The following MAJIN variants were observed in gnomAD, a reference collection of about 807,000 sequenced individuals.
MAJIN encodes membrane anchored junction protein.
A neutral mutation model predicts 30.2 loss-of-function variants in MAJIN; 27 were observed. The ratio of observed to expected loss-of-function variants is 0.89; its 90% CI spans 0.66 to 1.23. The LOEUF (loss-of-function observed/expected upper bound fraction) is 1.23, where lower values mean the gene tolerates loss of function less well. Ranked by LOEUF, MAJIN falls within the 50% of genes most tolerant of loss-of-function variation. The pLI is 0.00. For synonymous variants in MAJIN, 78 were observed against 91.6 expected, an observed-to-expected ratio of 0.85 and a Z score of 0.85; for missense variants, 253 against 260.3, an observed-to-expected ratio of 0.97 and a Z score of 0.19.
intron 5 of MAJIN, 62 bp from the exon 6 acceptor site, chr11:64,949,930 G>T (rs1945523776): frequency 6.4e-6 from 10 of 1,567,890 alleles, no homozygotes; most frequent in Non-Finnish European, 8.6e-6. Flanking sequence ...TACTATTTTA[G>T]GGATGAGACT....
chr11:64,959,754 C>T (rs961600960), intron 2 of MAJIN, among the ~76,000 whole-genome samples: 1 of 152,186 alleles, frequency 6.6e-6, no homozygotes, highest in African/African-American at 2.4e-5. Context: ...AAATGTTTCT[C>T]CCAAGTATCT....
At chr11:64,965,157 C>T (rs1002532262) in intron 1 of MAJIN, among the ~76,000 whole-genome samples, 1 of 152,296 alleles carries the variant, frequency 6.6e-6, no homozygotes, top group Non-Finnish European at 1.5e-5. Flanking sequence ...TGTTTATTGA[C>T]ATCATTCTGT....
At position 64,971,964 on chromosome 11, in the gene MAJIN, C is replaced by A. The variant is rs1389167244; in HGVS notation, c.-152G>T. 2 of 152,218 alleles carry A rather than the reference C, an allele frequency of 1.3e-5. No homozygotes were observed. The highest frequency in any genetic ancestry group is 1.9e-4 in the East Asian group (1 of 5,188). 9.4% of individuals were successfully genotyped at this position (152,218 alleles called of 1,614,324 possible). A position where few individuals can be genotyped will look rare whatever the true frequency, so the allele number is the denominator to read the frequency against. On this transcript the variant is annotated 5_prime_UTR_variant, in exon 1 of 11. Transcript: ENST00000301896. ...TCGGCCTCAGAAAAGTGGCCCCGGACGGAATACCCACTAAGAAGTGCTCTC... is the reference window on the plus strand; with the variant it reads ...TCGGCCTCAGAAAAGTGGCCCCGGAAGGAATACCCACTAAGAAGTGCTCTC...
intron 8 of MAJIN, among the ~76,000 whole-genome samples, chr11:64,946,371 GT>G (rs1590692471): frequency 1.3e-5 from 2 of 152,304 alleles, no homozygotes; most frequent in East Asian, 3.9e-4. Context: ...GTTTGAGAAA[GT>G]GAAAATGTGA....
intron 4 of MAJIN, among the ~76,000 whole-genome samples, chr11:64,952,154 G>A (rs1193696810): frequency 1.3e-5 from 2 of 151,988 alleles, no homozygotes; most frequent in African/African-American, 2.4e-5. Context: ...CTCCCAAAGT[G>A]CTAGGATTAC....
At chr11:64,947,928 C>T (rs1000232716) in intron 6 of MAJIN, 109 bp from the exon 7 acceptor site, 38 of 967,018 alleles carry the variant, frequency 3.9e-5, no homozygotes, top group Admixed American at 1.8e-4. Flanking sequence ...GGTGCGATCT[C>T]GGCTCACTGC....
rs1303707451 is a variant in MAJIN at position 64,949,826 on chromosome 11, T to C, written c.266A>G (p.His89Arg). Reference protein sequence around the residue: ...WERVSHLKFKHGEIILIPYPF... With the variant: ...WERVSHLKFKRGEIILIPYPF... ...GTAGGGGATCAAGATAATTTCCCCA[T>C]GTTTGAATTTCAGGTGGGAAACTCT... The change falls in exon 6 of 11, where the codon CAT (histidine) becomes CGT (arginine). Residue 89 changes from histidine (H) to arginine (R), a missense_variant. Physicochemically the swap from His to Arg is conservative, Grantham distance 29. Transcript: ENST00000301896. The C allele has an allele frequency of 1.9e-6, 3 of 1,609,502 alleles. No individual in the cohort carries two copies. Among genetic ancestry groups the C allele is most frequent in the Admixed American group, 3.3e-5 (2 of 59,990 alleles).
intron 8 of MAJIN, among the ~76,000 whole-genome samples, chr11:64,945,088 T>A (rs972788168): frequency 5.3e-5 from 8 of 152,186 alleles, no homozygotes; most frequent in Admixed American, 5.2e-4. Context: ...CTGGGCTCGG[T>A]GGCTCACGCC....
At chr11:64,950,174 A>G (rs1945528289) in intron 5 of MAJIN, among the ~76,000 whole-genome samples, 181 bp downstream of exon 5, 1 of 152,180 alleles carries the variant, frequency 6.6e-6, no homozygotes, top group South Asian at 2.1e-4. Flanking sequence ...TACTAAAAAT[A>G]CCAAAATTAG....
chr11:64,964,566 T>C (rs1413674878), intron 1 of MAJIN, among the ~76,000 whole-genome samples: 1 of 152,058 alleles, frequency 6.6e-6, no homozygotes, highest in Admixed American at 6.6e-5. Context: ...GGCAATTCAT[T>C]CTGGATACAA....
chr11:64,942,571 T>C (rs1019972865), intron 8 of MAJIN, among the ~76,000 whole-genome samples: 1 of 152,126 alleles, frequency 6.6e-6, no homozygotes, highest in African/African-American at 2.4e-5. Context: ...GGCAGAGGCA[T>C]GGCAAGTCTC....
intron 6 of MAJIN, 27 bp downstream of exon 6, chr11:64,949,716 C>T: frequency 6.2e-7 from 1 of 1,610,074 alleles, no homozygotes; most frequent in African/African-American, 1.3e-5. Context: ...TCTTCTCTGC[C>T]ATCCACATTC....
chr11:64,967,794 G>A (rs1167547446), intron 1 of MAJIN, among the ~76,000 whole-genome samples: 2 of 152,120 alleles, frequency 1.3e-5, no homozygotes, highest in African/African-American at 4.8e-5. Flanking sequence ...AGAGAGACAT[G>A]ATCCCTCGTC....
At position 64,970,182 on chromosome 11, in the gene MAJIN, G is replaced by C. The variant is rs1054726396; in HGVS notation, c.-65+1695C>G. 1.3e-4 allele frequency among the ~76,000 whole-genome samples: 19 copies of C among 145,068 alleles called. No individual in the cohort carries two copies. The South Asian group carries it at 1.3e-3, about 10-fold the overall frequency. ...AGTTCGAGACCAGCTTGGCCAACAT[G>C]GTGAAACCCCATCTCTACTAAAAAT... On this transcript the variant is annotated intron_variant, in intron 1 of 10. Coordinates refer to ENST00000301896, the MANE Select transcript of MAJIN (RefSeq NM_001037225.3).
At chr11:64,948,092 C>T (rs1287508611) in intron 6 of MAJIN, among the ~76,000 whole-genome samples, 3 of 152,026 alleles carry the variant, frequency 2.0e-5, no homozygotes, top group Non-Finnish European at 4.4e-5. Context: ...AACTCCTGAC[C>T]TCAGGTGATC....
chr11:64,954,745 T>A lies in MAJIN; in HGVS notation c.147+12A>T. On this transcript the variant is annotated intron_variant, in intron 4 of 10. Transcript: ENST00000301896. ...AGTAACTTTTCCAGAAGTCGTATGC[T>A]TCTTTCCCTACCTCCAGCTCCTGGG... 6.2e-7 allele frequency: 1 copy of A among 1,613,150 alleles called. No homozygotes were observed. Among genetic ancestry groups the A allele is most frequent in the African/African-American group, 1.3e-5 (1 of 75,018 alleles).
chr11:64,954,279 G>A (rs1945598148), intron 4 of MAJIN: 1 of 252,102 alleles, frequency 4.0e-6, no homozygotes, highest in Non-Finnish European at 7.8e-6. Context: ...TAAAGCTAGA[G>A]GAACCGGGTA....
At chr11:64,971,383 C>T (rs1441212095) in intron 1 of MAJIN, among the ~76,000 whole-genome samples, 1 of 149,214 alleles carries the variant, frequency 6.7e-6, no homozygotes, top group East Asian at 2.0e-4. Context: ...GTCAATATCG[C>T]CCCCACTGAA....
At chr11:64,949,657 A>T (rs1303909357) in intron 6 of MAJIN, 86 bp downstream of exon 6, 10 of 1,519,824 alleles carry the variant, frequency 6.6e-6, no homozygotes, top group Non-Finnish European at 8.9e-6. Context: ...GCTGGAGCCT[A>T]ATCTGGTAGC....
Sources: allele counts gnomAD v4.1 joint callset (sites outside exome capture counted in the v4.1 genomes callset), GRCh38; gene constraint gnomAD v4.1.1; transcripts MANE v1.5; gene names NCBI Gene and HGNC (gene_info 2026-07-23, HGNC 2026-07-21).